The following SLC15A2 variants were observed in gnomAD, a reference collection of about 807,000 sequenced individuals.
SLC15A2 encodes the protein solute carrier family 15 member 2.
SLC15A2 carries 77 observed loss-of-function variants against 95.5 expected under a neutral mutation model. The ratio of observed to expected loss-of-function variants is 0.81; its 90% CI spans 0.67 to 0.97. The LOEUF (loss-of-function observed/expected upper bound fraction) is 0.97. SLC15A2 is among the 50% of genes least tolerant of loss of function. SLC15A2 has a pLI of 0.00. For missense variants in SLC15A2, 893 were observed against 874.4 expected, an observed-to-expected ratio of 1.02 and a Z score of -0.27; for synonymous variants, 306 against 306.9, an observed-to-expected ratio of 1.00 and a Z score of 0.03.
At chr3:121,902,888 C>G (rs1709547107) in intron 3 of SLC15A2, among the ~76,000 whole-genome samples, 1 of 152,144 alleles carries the variant, frequency 6.6e-6, no homozygotes, top group Non-Finnish European at 1.5e-5. Context: ...AATGGGATGG[C>G]TGGGTCAAAT....
At chr3:121,906,392 C>G (rs1709645757) in intron 3 of SLC15A2, among the ~76,000 whole-genome samples, 1 of 152,198 alleles carries the variant, frequency 6.6e-6, no homozygotes, top group African/African-American at 2.4e-5. Flanking sequence ...TTAATTTGAT[C>G]CAATCATTAT....
Position 121,928,509 on chromosome 3 carries a change from G to C in SLC15A2, c.1295G>C (p.Gly432Ala), listed in dbSNP as rs267599570. The C allele has an allele frequency of 6.2e-7, 1 of 1,614,144 alleles. No homozygotes were observed. The highest frequency in any genetic ancestry group is 1.7e-5 in the Admixed American group (1 of 60,022). ...GATGAGGTGAAGGTGACAGTGGTGG[G>C]AAATGAAAACAATTCTCTGTTGATA... is the stretch of plus-strand genomic sequence containing the variant. ...ADDEVKVTVV[G>A]NENNSLLIES... The change falls in exon 15 of 22, where the codon GGA becomes GCA. Residue 432 changes from glycine to alanine, a missense_variant. Transcript: ENST00000489711.
In SLC15A2 at chr3:121,894,401, A is replaced by G. The variant is rs575602215; in HGVS notation, c.-76A>G. The G allele has an allele frequency of 3.5e-6, 4 of 1,146,350 alleles. No individual in the cohort carries two copies. In the East Asian group the frequency reaches 7.3e-5, roughly 21 times the overall value. 71.0% of individuals were successfully genotyped at this position (1,146,350 alleles called of 1,614,324 possible). ...GCTCCCCCTCCCAGTCCTTCTTTTC[A>G]GAGTAGGCTGGCAGCTGTCCTAACT... On this transcript the variant is annotated 5_prime_UTR_variant, in exon 1 of 22. Transcript: ENST00000489711.
At chr3:121,902,543 C>T (rs1465492162) in intron 3 of SLC15A2, among the ~76,000 whole-genome samples, 4 of 151,970 alleles carry the variant, frequency 2.6e-5, no homozygotes, top group African/African-American at 4.8e-5. Context: ...CCATGTGTGA[C>T]GTTCCCCGCC....
At chr3:121,928,894 G>A (rs548056920) in intron 15 of SLC15A2, 88 bp from the exon 16 acceptor site, 73 of 1,405,786 alleles carry the variant, frequency 5.2e-5, no homozygotes, top group Non-Finnish European at 6.6e-5. Context: ...TGTCTGATGA[G>A]GTCACCTACC....
chr3:121,913,339 A>C (rs1347795334), intron 5 of SLC15A2, among the ~76,000 whole-genome samples: 2 of 152,218 alleles, frequency 1.3e-5, no homozygotes, highest in African/African-American at 4.8e-5. Context: ...GGTATGTCTT[A>C]TGAGGAAAGA....
intron 1 of SLC15A2, 83 bp from the exon 2 acceptor site, chr3:121,896,323 G>A (rs1559837045): frequency 1.9e-6 from 2 of 1,072,578 alleles, no homozygotes; most frequent in East Asian, 2.4e-5. Flanking sequence ...TGAAATAAAT[G>A]AATTTTTCAG....
intron 20 of SLC15A2, 41 bp from the exon 21 acceptor site, chr3:121,940,343 T>C: frequency 6.6e-7 from 1 of 1,509,914 alleles, no homozygotes. Context: ...ATGAGGGCAG[T>C]GAAGGGGGTT....
At chr3:121,938,455 A>T (rs1460126525) in intron 19 of SLC15A2, among the ~76,000 whole-genome samples, 2 of 152,212 alleles carry the variant, frequency 1.3e-5, no homozygotes, top group Non-Finnish European at 2.9e-5. Flanking sequence ...GGTGTGGGAT[A>T]TAATCTCGTG....
chr3:121,923,380 G>A (rs2107597010), intron 11 of SLC15A2, 114 bp downstream of exon 11: 3 of 1,037,096 alleles, frequency 2.9e-6, no homozygotes, highest in Middle Eastern at 2.3e-4. Context: ...TCAGAGAAGT[G>A]CTTTTAGCCT....
intron 3 of SLC15A2, among the ~76,000 whole-genome samples, chr3:121,911,205 A>G (rs925188337): frequency 1.3e-5 from 2 of 152,164 alleles, no homozygotes; most frequent in Admixed American, 1.3e-4. Context: ...GGTTCTCCCA[A>G]TTTAAAGCAC....
rs757528091 is a variant in SLC15A2 at position 121,928,982 on chromosome 3, A to G, written c.1342A>G (p.Lys448Glu). The G allele has an allele frequency of 1.7e-5, 27 of 1,613,428 alleles. No homozygotes were observed. The highest frequency in any genetic ancestry group is 3.3e-5 in the Admixed American group (2 of 59,876). Residue 448 changes from lysine to glutamate, a missense_variant and splice_region_variant, in exon 16 of 22, where the codon AAA becomes GAA. By Grantham distance (56) the Lys-to-Glu change is moderately conservative. Coordinates refer to ENST00000489711, the MANE Select transcript of SLC15A2 (RefSeq NM_021082.4). The part of the protein sequence containing the change: ...LLIESIKSFQ[K>E]TPHYSKLHLK... The stretch of plus-strand genomic sequence containing the variant: ...TCATTTTATATTCTTCATTTTACAG[A>G]AAACACCACACTATTCCAAACTGCA...
chr3:121,940,742 G>A, intron 21 of SLC15A2, 89 bp from the exon 22 acceptor site: 4 of 1,381,232 alleles, frequency 2.9e-6, no homozygotes, highest in South Asian at 1.4e-5. Context: ...GGTGATCCCA[G>A]GTCAGTCTGC....
At chr3:121,940,325 C>T (rs1710436193) in intron 20 of SLC15A2, 59 bp from the exon 21 acceptor site, 1 of 1,279,190 alleles carries the variant, frequency 7.8e-7, no homozygotes, top group African/African-American at 1.5e-5. Flanking sequence ...TTCCTGGATG[C>T]ATGGGGCATG....
intron 5 of SLC15A2, 50 bp from the exon 6 acceptor site, chr3:121,915,177 G>C: frequency 7.1e-7 from 1 of 1,413,584 alleles, no homozygotes; most frequent in Non-Finnish European, 1.0e-6. Context: ...GTGGAGTGGG[G>C]CTGGAGCTAG....
rs112532686 is a variant in SLC15A2, at chr3:121,944,056, T to C, written c.*3049T>C. The stretch of plus-strand genomic sequence containing the variant: ...ATTTGAAAAAATGTGGACACACAAA[T>C]TGGAAAAGAGGTATAAATGCAGTAT... On this transcript the variant is annotated 3_prime_UTR_variant, in exon 22 of 22. Coordinates refer to ENST00000489711, the MANE Select transcript of SLC15A2 (RefSeq NM_021082.4). 8.5e-5 allele frequency: 13 copies of C among 152,194 alleles called. 1 individual carries two copies. The highest frequency in any genetic ancestry group is 4.1e-4 in the South Asian group (2 of 4,832). The allele number at this position is 152,194 out of a possible 1,614,324, so 9.4% of individuals were successfully genotyped here.
chr3:121,899,281 C>T (rs1206233926), intron 3 of SLC15A2, among the ~76,000 whole-genome samples: 3 of 152,086 alleles, frequency 2.0e-5, no homozygotes, highest in Non-Finnish European at 4.4e-5. Context: ...TGGGATATAA[C>T]TTACATAAAG....
intron 3 of SLC15A2, among the ~76,000 whole-genome samples, chr3:121,902,320 T>G (rs1199067178): frequency 1.3e-5 from 2 of 152,134 alleles, no homozygotes; most frequent in South Asian, 2.1e-4. Flanking sequence ...AACCACTCTC[T>G]TAAACGTGTT....
intron 14 of SLC15A2, 150 bp downstream of exon 14, chr3:121,927,989 T>C (rs938889836): frequency 9.3e-6 from 6 of 642,954 alleles, no homozygotes; most frequent in Admixed American, 5.5e-5. Flanking sequence ...AATAAGTAGA[T>C]ACAGGGGTAA....
Sources: gnomAD v4.1 joint callset for allele counts (sites outside exome capture counted in the v4.1 genomes callset) on GRCh38, gnomAD v4.1.1 for gene constraint, MANE v1.5 for transcripts, NCBI Gene and HGNC (gene_info 2026-07-23, HGNC 2026-07-21) for gene names.